The following PABPC4L variants were observed in gnomAD, a reference collection of about 807,000 sequenced individuals.
PABPC4L encodes polyadenylate-binding protein 4-like.
For missense variants in PABPC4L, 452 were observed against 451.4 expected, an observed-to-expected ratio of 1.00 and a Z score of -0.01; for synonymous variants, 169 against 164.1, an observed-to-expected ratio of 1.03 and a Z score of -0.23.
the PABPC4L span, among the ~76,000 whole-genome samples, chr4:134,125,634 C>G: frequency 6.6e-6 from 1 of 151,674 alleles, no homozygotes; most frequent in Non-Finnish European, 1.5e-5. Flanking sequence ...TATCAGTGGC[C>G]AAAATATGTT....
At chr4:134,057,771 C>T in the PABPC4L span, among the ~76,000 whole-genome samples, 67 of 152,104 alleles carry the variant, frequency 4.4e-4, no homozygotes, top group East Asian at 8.5e-3. Flanking sequence ...AATTCAACAC[C>T]ATGTCATTTC....
chr4:134,118,302 T>C, the PABPC4L span, among the ~76,000 whole-genome samples: 5 of 151,874 alleles, frequency 3.3e-5, no homozygotes, highest in Admixed American at 6.6e-5. Flanking sequence ...GATGGTTCAA[T>C]TGAAAATCAT....
At chr4:133,948,589 T>C in the PABPC4L span, among the ~76,000 whole-genome samples, 1 of 152,234 alleles carries the variant, frequency 6.6e-6, no homozygotes, top group Non-Finnish European at 1.5e-5. Context: ...CTTTAGGGTC[T>C]GATCTTTGCA....
chr4:134,089,870 T>C, the PABPC4L span, among the ~76,000 whole-genome samples: 1 of 152,020 alleles, frequency 6.6e-6, no homozygotes, highest in East Asian at 1.9e-4. Context: ...AGAGAGTTTG[T>C]GCTGAATGGT....
chr4:134,008,050 A>G, the PABPC4L span, among the ~76,000 whole-genome samples: 7 of 151,926 alleles, frequency 4.6e-5, no homozygotes, highest in Middle Eastern at 3.4e-3. Context: ...GTGGAAAGTT[A>G]TAGATTTCTA....
At chr4:134,089,658 G>T in the PABPC4L span, among the ~76,000 whole-genome samples, 2 of 151,960 alleles carry the variant, frequency 1.3e-5, no homozygotes, top group East Asian at 3.9e-4. Context: ...ATACACAAAT[G>T]CACTTATACA....
the PABPC4L span, among the ~76,000 whole-genome samples, chr4:134,086,494 G>C: frequency 1.3e-5 from 2 of 151,852 alleles, no homozygotes; most frequent in African/African-American, 4.8e-5. Context: ...AATAGTAGAA[G>C]ATACACAACA....
rs969307102 is a variant in PABPC4L, at chr4:134,199,809, A to T, written c.*98T>A. 5 of 1,409,598 alleles carry T rather than the reference A, an allele frequency of 3.5e-6. No homozygotes were observed. The East Asian group carries it at 1.3e-4, about 35-fold the overall frequency. The allele number at this position is 1,409,598 out of a possible 1,614,324, so 87.3% of individuals were successfully genotyped here. ...AAGTTTACTAAACTAAGCACCCATC[A>T]TGTGGAATATGAAATTTACTGAGGT... is the stretch of plus-strand genomic sequence containing the variant. On this transcript the variant is annotated 3_prime_UTR_variant, in exon 2 of 2. Coordinates refer to ENST00000421491, the MANE Select transcript of PABPC4L (RefSeq NM_001114734.2).
chr4:133,976,362 G>A, the PABPC4L span, among the ~76,000 whole-genome samples: 1 of 152,016 alleles, frequency 6.6e-6, no homozygotes, highest in Non-Finnish European at 1.5e-5. Context: ...TCATTGATGG[G>A]CATTTGGGTT....
chr4:134,107,420 AT>A, the PABPC4L span, among the ~76,000 whole-genome samples: 6 of 151,622 alleles, frequency 4.0e-5, no homozygotes, highest in Non-Finnish European at 8.9e-5. Flanking sequence ...TCACTGTTTA[AT>A]TTAGTTAAAA....
At chr4:134,062,377 G>T in the PABPC4L span, among the ~76,000 whole-genome samples, 1 of 151,848 alleles carries the variant, frequency 6.6e-6, no homozygotes, top group Non-Finnish European at 1.5e-5. Flanking sequence ...AAACTGACCT[G>T]CCAAAAGGTT....
chr4:134,057,874 A>G, the PABPC4L span, among the ~76,000 whole-genome samples: 1 of 152,194 alleles, frequency 6.6e-6, no homozygotes, highest in African/African-American at 2.4e-5. Context: ...TTCTAGTTAT[A>G]CAAAGATATC....
chr4:134,146,570 T>G, the PABPC4L span, among the ~76,000 whole-genome samples: 1 of 152,144 alleles, frequency 6.6e-6, no homozygotes, highest in African/African-American at 2.4e-5. Flanking sequence ...TCCTGCAGTT[T>G]GGTGAGTTTT....
the PABPC4L span, among the ~76,000 whole-genome samples, chr4:134,180,177 A>G: frequency 2.0e-5 from 3 of 152,144 alleles, no homozygotes; most frequent in Non-Finnish European, 4.4e-5. Context: ...ATAAAAAACA[A>G]AATCATACCA....
At chr4:134,007,200 C>G in the PABPC4L span, among the ~76,000 whole-genome samples, 1 of 151,744 alleles carries the variant, frequency 6.6e-6, no homozygotes, top group East Asian at 1.9e-4. Flanking sequence ...TCATCTATTC[C>G]CAACTTTACA....
the PABPC4L span, among the ~76,000 whole-genome samples, chr4:134,106,890 A>G: frequency 2.0e-5 from 3 of 151,390 alleles, no homozygotes; most frequent in African/African-American, 7.3e-5. Flanking sequence ...ATGGGGCACT[A>G]ATCAGGGGCC....
At chr4:134,181,652 T>C in the PABPC4L span, among the ~76,000 whole-genome samples, 595 of 152,132 alleles carry the variant, frequency 3.9e-3, 2 homozygotes, top group African/African-American at 0.014. Flanking sequence ...CTCCTAGATA[T>C]GATAAACTAC....
chr4:134,142,318 G>T, the PABPC4L span, among the ~76,000 whole-genome samples: 8 of 151,744 alleles, frequency 5.3e-5, no homozygotes, highest in South Asian at 1.7e-3. Flanking sequence ...CAGAATAAAG[G>T]ATTGTCATCC....
the PABPC4L span, among the ~76,000 whole-genome samples, chr4:134,064,305 G>A: frequency 2.0e-5 from 3 of 151,854 alleles, no homozygotes; most frequent in Non-Finnish European, 4.4e-5. Context: ...TTTGAGATTT[G>A]GGTTTACAAA....
Sources: allele counts gnomAD v4.1 joint callset (sites outside exome capture counted in the v4.1 genomes callset), GRCh38; gene constraint gnomAD v4.1.1; transcripts MANE v1.5; gene names NCBI Gene and HGNC (gene_info 2026-07-23, HGNC 2026-07-21).